The following POTEC variants were observed in gnomAD, a reference collection of about 807,000 sequenced individuals.
POTEC encodes the protein POTE ankyrin domain family member C.
POTEC carries 35 observed loss-of-function variants against 62.0 expected under a neutral mutation model. That is an observed-to-expected ratio of 0.56 (90% CI 0.43 to 0.75). The LOEUF (loss-of-function observed/expected upper bound fraction) is 0.75. POTEC is among the 30% of genes least tolerant of loss of function. The pLI is 0.00. For missense variants in POTEC, 472 were observed against 655.9 expected, an observed-to-expected ratio of 0.72 and a Z score of 3.06; for synonymous variants, 156 against 221.5, an observed-to-expected ratio of 0.70 and a Z score of 2.62.
chr18:14,526,588 A>G (rs1425437038), intron 6 of POTEC, among the ~76,000 whole-genome samples: 1 of 152,084 alleles, frequency 6.6e-6, no homozygotes, highest in Non-Finnish European at 1.5e-5. Flanking sequence ...AGAGGGCAAG[A>G]AAGGGTGACA....
Position 14,510,797 on chromosome 18 carries a change from G to C in POTEC, c.*1101C>G, listed in dbSNP as rs1909985228. The C allele has an allele frequency of 6.6e-6, 1 of 152,128 alleles. No individual in the cohort carries two copies. Among genetic ancestry groups the C allele is most frequent in the Admixed American group, 6.6e-5 (1 of 15,264 alleles). The allele number at this position is 152,128 out of a possible 1,614,324, so 9.4% of individuals were successfully genotyped here. A position where few individuals can be genotyped will look rare whatever the true frequency, so the allele number is the denominator to read the frequency against. ...GTAGAGTGGCTATGCTGTGTGGGGG[G>C]TTCACTTCAGCCCCTGGTCTCCTCA... On this transcript the variant is annotated 3_prime_UTR_variant, in exon 11 of 11. Transcript: ENST00000358970.
At position 14,508,313 on chromosome 18, in the gene POTEC, C is replaced by G. The variant is rs1406119251; in HGVS notation, c.*3585G>C. 3.9e-5 allele frequency: 6 copies of G among 152,538 alleles called. No homozygotes were observed. Among genetic ancestry groups the G allele is most frequent in the African/African-American group, 1.2e-4 (5 of 41,410 alleles). 9.4% of individuals were successfully genotyped at this position (152,538 alleles called of 1,614,324 possible). On this transcript the variant is annotated 3_prime_UTR_variant, in exon 11 of 11. Coordinates refer to ENST00000358970, the MANE Select transcript of POTEC (RefSeq NM_001137671.2). ...TGTTTGCCTGTTTTATTTCAGAAAG[C>G]CAGTTTTCAAGCTCTGGGATTCTTT...
intron 3 of POTEC, among the ~76,000 whole-genome samples, chr18:14,536,427 C>A (rs1395786706): frequency 6.6e-6 from 1 of 151,856 alleles, no homozygotes; most frequent in African/African-American, 2.4e-5. Context: ...GAGACAGGGT[C>A]TCATTATGCT....
rs1454129952 is a variant in POTEC, at chr18:14,522,454, C to A, written c.1243-34G>T. 8 of 1,408,368 alleles carry A rather than the reference C, an allele frequency of 5.7e-6. No homozygotes were observed. In the Admixed American group the frequency reaches 1.6e-4, roughly 28 times the overall value. 87.2% of individuals were successfully genotyped at this position (1,408,368 alleles called of 1,614,324 possible). A position where few individuals can be genotyped will look rare whatever the true frequency, so the allele number is the denominator to read the frequency against. On this transcript the variant is annotated intron_variant, in intron 8 of 10. Transcript: ENST00000358970. ...GAAGTTTGATATTAAGGATGGTTAT[C>A]ACTTTATTGAATAAAAATAACCTTT... is the stretch of plus-strand genomic sequence containing the variant.
At chr18:14,516,982 C>A (rs935504097) in intron 9 of POTEC, among the ~76,000 whole-genome samples, 2 of 150,626 alleles carry the variant, frequency 1.3e-5, no homozygotes, top group African/African-American at 4.9e-5. Context: ...AGACTAAAAT[C>A]TCCTACTGGA....
At chr18:14,528,760 C>G (rs1910504740) in intron 6 of POTEC, 1 of 326,398 alleles carries the variant, frequency 3.1e-6, no homozygotes, top group African/African-American at 2.2e-5. Flanking sequence ...TGGTAAATTT[C>G]CCGTGGCCCA....
chr18:14,508,293 G>T lies in POTEC; in HGVS notation c.*3605C>A, dbSNP rs1171011110. 6.6e-6 allele frequency: 1 copy of T among 152,406 alleles called. No individual in the cohort carries two copies. The highest frequency in any genetic ancestry group is 1.5e-5 in the Non-Finnish European group (1 of 68,018). 9.4% of individuals were successfully genotyped at this position (152,406 alleles called of 1,614,324 possible). A position where few individuals can be genotyped will look rare whatever the true frequency, so the allele number is the denominator to read the frequency against. ...ATTCTTTTTTCCCCCATTCTTGTTT[G>T]CCTGTTTTATTTCAGAAAGCCAGTT... On this transcript the variant is annotated 3_prime_UTR_variant, in exon 11 of 11. Transcript: ENST00000358970.
rs1910139098 is a variant in POTEC at position 14,515,954 on chromosome 18, AT to A, written c.1410-2170del. On this transcript the variant is annotated intron_variant, in intron 9 of 10. Coordinates refer to ENST00000358970, the MANE Select transcript of POTEC (RefSeq NM_001137671.2). ...AAATATTACTAATCATCAGGGTACA[AT>A]AAAACAACAGTGAGATATCACCTCA... Among the ~76,000 whole-genome samples the A allele has an allele frequency of 4.6e-5, 7 of 152,128 alleles. No individual in the cohort carries two copies. In the South Asian group the frequency reaches 1.5e-3, roughly 32 times the overall value.
Position 14,543,055 on chromosome 18 carries a change from C to T in POTEC, c.92G>A (p.Arg31His), listed in dbSNP as rs774885483. The T allele has an allele frequency of 1.4e-5, 23 of 1,605,944 alleles. No individual in the cohort carries two copies. The highest frequency in any genetic ancestry group is 1.2e-4 in the Admixed American group (7 of 59,294). Residue 31 changes from arginine (R) to histidine (H), a missense_variant, in exon 1 of 11, where the codon CGC becomes CAC. Around this residue, in one of 5 missense-constraint regions of POTEC, gnomAD observed 257 missense variants for 250.7 expected, o/e 1.03. Coordinates refer to ENST00000358970, the MANE Select transcript of POTEC (RefSeq NM_001137671.2). ...GCCGCTCCCCTTGCAGCAGGGGAAG[C>T]GGTGGTGAAACCACTTGCCCATCTT... The part of the protein sequence containing the change: ...RSKMGKWFHH[R>H]FPCCKGSGKS...
chr18:14,518,397 G>A (rs1910220301), intron 9 of POTEC, among the ~76,000 whole-genome samples: 1 of 151,470 alleles, frequency 6.6e-6, no homozygotes, highest in African/African-American at 2.4e-5. Flanking sequence ...CTGAGAAAGG[G>A]GATTTTTTTT....
At chr18:14,520,146 A>G (rs1253002746) in intron 9 of POTEC, among the ~76,000 whole-genome samples, 1 of 152,194 alleles carries the variant, frequency 6.6e-6, no homozygotes, top group East Asian at 1.9e-4. Flanking sequence ...AGAATGTTGT[A>G]ATTTTCTTCC....
intron 9 of POTEC, among the ~76,000 whole-genome samples, chr18:14,515,003 T>A (rs185758148): frequency 6.6e-6 from 1 of 151,998 alleles, no homozygotes; most frequent in African/African-American, 2.4e-5. Flanking sequence ...ATGAAGGAGG[T>A]GAGTCATCTA....
intron 9 of POTEC, among the ~76,000 whole-genome samples, chr18:14,517,627 C>T (rs549206761): frequency 6.6e-6 from 1 of 151,998 alleles, no homozygotes; most frequent in African/African-American, 2.4e-5. Context: ...TTTGAAAGGC[C>T]GAAGTGGGTG....
Position 14,530,518 on chromosome 18 carries a change from T to G in POTEC, c.1091A>C (p.Gln364Pro). The G allele has an allele frequency of 1.3e-6, 2 of 1,594,142 alleles. No individual in the cohort carries two copies. The highest frequency in any genetic ancestry group is 1.7e-6 in the Non-Finnish European group (2 of 1,170,384). The change falls in exon 6 of 11, where the codon CAG (glutamine) becomes CCG (proline). Residue 364 changes from glutamine (Q) to proline (P), a missense_variant. Gln to Pro is a moderately conservative substitution (Grantham distance 76, BLOSUM62 -1). Coordinates refer to ENST00000358970, the MANE Select transcript of POTEC (RefSeq NM_001137671.2). ...CELLSDYKEK[Q>P]MLKISSENSN... is the part of the protein sequence containing the mutation. ...GTTTTCAGAAGAGATTTTTAGCATC[T>G]GTTTTTCTTTATAGTCAGAAAGTAA...
chr18:14,512,924 CAA>C (rs1947183050), intron 10 of POTEC, among the ~76,000 whole-genome samples: 1 of 152,040 alleles, frequency 6.6e-6, no homozygotes, highest in Non-Finnish European at 1.5e-5. Context: ...TTTCAAAATA[CAA>C]ATGGTAAATA....
In POTEC at chr18:14,512,706, G is replaced by T. The variant is rs143385768; in HGVS notation, c.1534-713C>A. ...GAATCGTGTGTACCTGGGAGGCAGA[G>T]GTTGCAGTGAACTGAGTTTGTGCCA... On this transcript the variant is annotated intron_variant, in intron 10 of 10. Coordinates refer to ENST00000358970, the MANE Select transcript of POTEC (RefSeq NM_001137671.2). 6.5e-3 allele frequency among the ~76,000 whole-genome samples: 997 copies of T among 152,288 alleles called. 12 individuals are homozygous for T. The highest frequency in any genetic ancestry group is 0.023 in the African/African-American group (958 of 41,540).
At chr18:14,515,002 G>T (rs1263015768) in intron 9 of POTEC, among the ~76,000 whole-genome samples, 2 of 152,068 alleles carry the variant, frequency 1.3e-5, no homozygotes, top group Non-Finnish European at 2.9e-5. Flanking sequence ...AATGAAGGAG[G>T]TGAGTCATCT....
Position 14,539,911 on chromosome 18 carries a change from T to A in POTEC, c.522-1662A>T, listed in dbSNP as rs1905875653. 2.0e-5 allele frequency among the ~76,000 whole-genome samples: 3 copies of A among 152,062 alleles called. No homozygotes were observed. The South Asian group carries it at 6.2e-4, about 31-fold the overall frequency. On this transcript the variant is annotated intron_variant, in intron 1 of 10. Transcript: ENST00000358970. Reference sequence around the variant, plus strand: ...GAGAGATGGCAGAATATGCCTGCCATATAATAGGTGTCTGGCTTATGTTTG... The same window carrying A: ...GAGAGATGGCAGAATATGCCTGCCAAATAATAGGTGTCTGGCTTATGTTTG...
chr18:14,537,721 C>T (rs1444934611), intron 3 of POTEC, 80 bp downstream of exon 3: 40 of 1,500,000 alleles, frequency 2.7e-5, no homozygotes, highest in African/African-American at 1.5e-4. Flanking sequence ...CTTCCAAATA[C>T]GGAAAACTGG....
Sources: gnomAD v4.1 joint callset for allele counts (sites outside exome capture counted in the v4.1 genomes callset) on GRCh38, gnomAD v4.1.1 for gene constraint, gnomAD v4.1.1 regional missense constraint, MANE v1.5 for transcripts, NCBI Gene and HGNC (gene_info 2026-07-23, HGNC 2026-07-21) for gene names.